The following EFCAB6 variants were observed in gnomAD, a reference collection of about 807,000 sequenced individuals.
The protein encoded by EFCAB6 is EF-hand calcium binding domain 6, also known as EF-hand calcium-binding domain-containing protein 6.
Under a neutral mutation model 169.8 loss-of-function variants are expected in EFCAB6, and 156 were observed. That is an observed-to-expected ratio of 0.92 (90% confidence interval 0.81 to 1.05). The LOEUF is 1.05. Ranked by LOEUF, EFCAB6 falls within the 50% of genes least tolerant of loss-of-function variation. The pLI is 0.00. For synonymous variants in EFCAB6, 698 were observed against 676.4 expected (o/e 1.03, Z -0.50); for missense variants, 1,800 against 1,829.1 (o/e 0.98, Z 0.29).
intron 8 of EFCAB6, among the ~76,000 whole-genome samples, chr22:43,722,970 G>C (rs150263482): frequency 0.015 from 2,335 of 152,252 alleles, 26 homozygotes; most frequent in Middle Eastern, 0.034. Context: ...ACCAAACACT[G>C]CATGTTCTCT....
chr22:43,638,808 G>A (rs1178756968), intron 17 of EFCAB6, among the ~76,000 whole-genome samples: 2 of 138,362 alleles, frequency 1.4e-5, no homozygotes, highest in African/African-American at 2.7e-5. Context: ...TTTTTGAGAC[G>A]GAGTTTCGCT....
intron 26 of EFCAB6, among the ~76,000 whole-genome samples, chr22:43,556,867 A>G (rs2147089106): frequency 6.6e-6 from 1 of 152,352 alleles, no homozygotes; most frequent in Non-Finnish European, 1.5e-5. Context: ...ATTTTAGAAA[A>G]TAAAAGTGAT....
intron 17 of EFCAB6, among the ~76,000 whole-genome samples, chr22:43,638,718 A>G (rs1164267436): frequency 6.6e-6 from 1 of 151,762 alleles, no homozygotes. Flanking sequence ...GTCTATTTAG[A>G]CTTAATATTA....
At chr22:43,531,189 G>A (rs1393935774) in intron 30 of EFCAB6, among the ~76,000 whole-genome samples, 2 of 152,166 alleles carry the variant, frequency 1.3e-5, no homozygotes, top group African/African-American at 4.8e-5. Flanking sequence ...TATTACATCA[G>A]CCATCTCATT....
At chr22:43,586,129 T>C (rs1485391449) in intron 24 of EFCAB6, among the ~76,000 whole-genome samples, 1 of 152,030 alleles carries the variant, frequency 6.6e-6, no homozygotes, top group Non-Finnish European at 1.5e-5. Context: ...TCACTCTTAG[T>C]TGATCAATGG....
At chr22:43,668,437 T>C (rs1394395335) in intron 16 of EFCAB6, among the ~76,000 whole-genome samples, 2 of 152,362 alleles carry the variant, frequency 1.3e-5, no homozygotes, top group East Asian at 3.9e-4. Flanking sequence ...AATCATTCTA[T>C]CATTCATATT....
intron 17 of EFCAB6, among the ~76,000 whole-genome samples, chr22:43,657,804 A>G (rs1268789696): frequency 6.6e-6 from 1 of 152,226 alleles, no homozygotes; most frequent in Non-Finnish European, 1.5e-5. Flanking sequence ...ATGACAACAC[A>G]AAGTTGTGAT....
intron 23 of EFCAB6, among the ~76,000 whole-genome samples, chr22:43,592,209 A>G (rs1294055187): frequency 6.6e-6 from 1 of 152,204 alleles, no homozygotes; most frequent in African/African-American, 2.4e-5. Flanking sequence ...GAAGCCACCA[A>G]GGTGATCAAC....
At chr22:43,608,715 C>T (rs2053096567) in intron 21 of EFCAB6, 115 bp from the exon 22 acceptor site, 2 of 899,208 alleles carry the variant, frequency 2.2e-6, no homozygotes, top group East Asian at 2.4e-5. Flanking sequence ...CCCCATCCAC[C>T]TCCTTAATCA....
At chr22:43,786,672 C>T (rs1241964543) in intron 2 of EFCAB6, among the ~76,000 whole-genome samples, 4 of 151,734 alleles carry the variant, frequency 2.6e-5, no homozygotes, top group African/African-American at 9.7e-5. Context: ...CAAGATCGCG[C>T]CACTGCACTC....
intron 26 of EFCAB6, among the ~76,000 whole-genome samples, chr22:43,565,200 C>T (rs763151639): frequency 6.6e-6 from 1 of 152,214 alleles, no homozygotes; most frequent in South Asian, 2.1e-4. Flanking sequence ...CCTTAGAAGA[C>T]AGGCTCTGGC....
intron 4 of EFCAB6, among the ~76,000 whole-genome samples, chr22:43,771,719 C>T (rs2061476845): frequency 6.6e-6 from 1 of 152,116 alleles, no homozygotes; most frequent in South Asian, 2.1e-4. Context: ...ACCAGGTGGC[C>T]AAGGGCCTTC....
chr22:43,532,983 G>A (rs190398239), intron 30 of EFCAB6, among the ~76,000 whole-genome samples: 1 of 152,372 alleles, frequency 6.6e-6, no homozygotes, highest in East Asian at 1.9e-4. Flanking sequence ...TCAATTCAAC[G>A]TTAATTCAGT....
At position 43,655,007 on chromosome 22, in the gene EFCAB6, T is replaced by C. The variant is rs1602995644; in HGVS notation, c.1983+12097A>G. Among the ~76,000 whole-genome samples, 4 of 152,256 alleles carry C rather than the reference T, an allele frequency of 2.6e-5. No individual in the cohort carries two copies. In the South Asian group the frequency reaches 6.2e-4, roughly 24 times the overall value. ...GCGCTGTGGCTCACACCTATAATCT[T>C]AGCACTTTGGGAGGCTGAGCCGAGC... On this transcript the variant is annotated intron_variant, in intron 17 of 31. Coordinates refer to ENST00000262726, the MANE Select transcript of EFCAB6 (RefSeq NM_022785.4).
rs553168154 is a variant in EFCAB6, at chr22:43,658,064, A to G, written c.1983+9040T>C. Reference sequence around the variant, plus strand: ...GCCAACATGGTGAAACCCCGTCTCTACTAAAAATACAAAAATTATCCGGGT... The same window carrying G: ...GCCAACATGGTGAAACCCCGTCTCTGCTAAAAATACAAAAATTATCCGGGT... On this transcript the variant is annotated intron_variant, in intron 17 of 31. Coordinates refer to ENST00000262726, the MANE Select transcript of EFCAB6 (RefSeq NM_022785.4). Among the ~76,000 whole-genome samples the G allele has an allele frequency of 4.6e-5, 7 of 151,834 alleles. 1 individual carries two copies. Among genetic ancestry groups the G allele is most frequent in the Admixed American group, 3.9e-4 (6 of 15,252 alleles).
intron 5 of EFCAB6, 43 bp downstream of exon 5, chr22:43,765,262 A>T (rs1209767875): frequency 3.4e-6 from 5 of 1,484,608 alleles, no homozygotes; most frequent in Non-Finnish European, 4.7e-6. Context: ...CTTACTCATC[A>T]TTTCAAATTT....
At chr22:43,548,539 C>CAAAAA (rs397868076) in intron 27 of EFCAB6, among the ~76,000 whole-genome samples, 8 of 36,750 alleles carry the variant, frequency 2.2e-4, no homozygotes, top group Non-Finnish European at 2.8e-4. Context: ...GAATCCATCT[C>CAAAAA]AAAAAAAAAA....
intron 17 of EFCAB6, among the ~76,000 whole-genome samples, chr22:43,666,334 T>C (rs1056497806): frequency 1.3e-5 from 2 of 152,304 alleles, no homozygotes; most frequent in African/African-American, 4.8e-5. Flanking sequence ...TGCTGCATTC[T>C]GGAGGCTTAG....
chr22:43,653,820 A>C (rs1045711661), intron 17 of EFCAB6, among the ~76,000 whole-genome samples: 1 of 152,172 alleles, frequency 6.6e-6, no homozygotes, highest in Non-Finnish European at 1.5e-5. Flanking sequence ...ATGGGCTTTC[A>C]TGCCAGAAGT....
Sources: gnomAD v4.1 joint callset for allele counts (sites outside exome capture counted in the v4.1 genomes callset) on GRCh38, gnomAD v4.1.1 for gene constraint, MANE v1.5 for transcripts, NCBI Gene and HGNC (gene_info 2026-07-23, HGNC 2026-07-21) for gene names.